Variants in CACNA1C observed in about 807,000 individuals in gnomAD.
CACNA1C encodes calcium voltage-gated channel subunit alpha1 C, also known as voltage-dependent L-type calcium channel subunit alpha-1C.
A neutral mutation model predicts 229.0 loss-of-function variants in CACNA1C; 30 were observed. The observed-to-expected ratio is 0.13, with a 90% CI of 0.10 to 0.18. The LOEUF is 0.18. CACNA1C is among the 10% of genes least tolerant of loss of function. The pLI, the probability that CACNA1C is intolerant of heterozygous loss-of-function variation, is 1.00. For synonymous variants in CACNA1C, 1,114 were observed against 1,132.5 expected (o/e 0.98, Z 0.33); for missense variants, 1,658 against 2,845.0 (o/e 0.58, Z 9.49).
intron 3 of CACNA1C, among the ~76,000 whole-genome samples, chr12:2,187,806 C>A (rs2097091538): frequency 6.6e-6 from 1 of 152,234 alleles, no homozygotes; most frequent in Non-Finnish European, 1.5e-5. Context: ...CCTCCTGGTG[C>A]CACATCCCTC....
rs561061347 is a variant in CACNA1C, at chr12:2,487,135, G to C, written c.916+873G>C. Among the ~76,000 whole-genome samples the C allele has an allele frequency of 1.3e-5, 2 of 152,034 alleles. 1 individual carries two copies. The highest frequency in any genetic ancestry group is 4.2e-4 in the South Asian group (2 of 4,814). On this transcript the variant is annotated intron_variant, in intron 6 of 46. Transcript: ENST00000399655. ...GACATATACAGTGGCTTAACACAAA[G>C]AACTTGTTGAAAAAATAACACCCAC...
intron 3 of CACNA1C, among the ~76,000 whole-genome samples, chr12:2,322,981 C>G (rs2096086539): frequency 6.6e-6 from 1 of 152,178 alleles, no homozygotes; most frequent in African/African-American, 2.4e-5. Context: ...TCACCACTCC[C>G]CATAGCTGTG....
At position 2,346,939 on chromosome 12, in the gene CACNA1C, C is replaced by T. The variant is rs148151605; in HGVS notation, c.478-102037C>T. Among the ~76,000 whole-genome samples, 138 of 152,314 alleles carry T rather than the reference C, an allele frequency of 9.1e-4. 1 individual carries two copies. The highest frequency in any genetic ancestry group is 3.1e-3 in the African/African-American group (129 of 41,572). On this transcript the variant is annotated intron_variant, in intron 3 of 46. Transcript: ENST00000399655. The surrounding 1 kb of genome is among the most constrained non-coding windows in gnomAD (Gnocchi z 4.4). ...CTGGTGTCTCCCTCTTCTCAGAATG[C>T]TAGTCCTTTGTATAACCCTTTCCAC...
At chr12:2,066,602 A>G (rs2059355389) in intron 1 of CACNA1C, among the ~76,000 whole-genome samples, 1 of 152,120 alleles carries the variant, frequency 6.6e-6, no homozygotes. Context: ...GGTGGTTGTG[A>G]AGCAGGGGCA....
At chr12:2,253,750 T>A (rs1274261321) in intron 3 of CACNA1C, among the ~76,000 whole-genome samples, 1 of 152,238 alleles carries the variant, frequency 6.6e-6, no homozygotes, top group Non-Finnish European at 1.5e-5. Context: ...CCTACATTGT[T>A]TAAGTAGCGC....
chr12:2,123,767 A>G (rs776394224), intron 3 of CACNA1C, among the ~76,000 whole-genome samples: 9 of 152,166 alleles, frequency 5.9e-5, no homozygotes, highest in Admixed American at 2.0e-4. Flanking sequence ...GTAATTTGCA[A>G]TGTATCACAT....
chr12:2,136,208 T>G (rs2093463910), intron 3 of CACNA1C, among the ~76,000 whole-genome samples: 1 of 151,334 alleles, frequency 6.6e-6, no homozygotes, highest in Admixed American at 6.6e-5. Context: ...CACTCCCTAG[T>G]GAGATGAACC....
intron 1 of CACNA1C, among the ~76,000 whole-genome samples, chr12:2,103,028 G>A (rs902723529): frequency 2.6e-5 from 4 of 152,112 alleles, no homozygotes; most frequent in African/African-American, 4.8e-5. Flanking sequence ...TATTGTGAAC[G>A]GTGCCGCAGT....
At chr12:2,350,508 A>C (rs908352015) in intron 3 of CACNA1C, among the ~76,000 whole-genome samples, 8 of 152,208 alleles carry the variant, frequency 5.3e-5, no homozygotes, top group Non-Finnish European at 1.0e-4. Flanking sequence ...CCTTTTAAGT[A>C]GCAGAAAGAG....
In CACNA1C at chr12:2,549,942, G is replaced by A; in HGVS notation, c.1391-1G>A. On this transcript the variant is annotated splice_acceptor_variant, in intron 9 of 46. Transcript: ENST00000399655. LOFTEE classifies it high-confidence loss of function. Reference sequence around the variant, plus strand: ...GCTCTGCTTCCCTTTGACTCTTGCAGTGAGCATGCCCACCAGTGAGACCGA... The same window carrying A: ...GCTCTGCTTCCCTTTGACTCTTGCAATGAGCATGCCCACCAGTGAGACCGA... 6.3e-7 allele frequency: 1 copy of A among 1,597,830 alleles called. No individual in the cohort carries two copies.
Position 2,346,162 on chromosome 12 carries a change from G to A in CACNA1C, c.478-102814G>A, listed in dbSNP as rs1303917236. On this transcript the variant is annotated intron_variant, in intron 3 of 46. Transcript: ENST00000399655. This position sits in a 1 kb window ranked among gnomAD's most constrained non-coding sequence, Gnocchi z 4.4. ...GCTGCAAGGTGATAGCCGTGGCTTG[G>A]TTGTCTGTGGGTGGAGCCGAGGAAG... Among the ~76,000 whole-genome samples the A allele has an allele frequency of 2.6e-5, 4 of 152,128 alleles. No individual in the cohort carries two copies. Among genetic ancestry groups the A allele is most frequent in the Admixed American group, 6.5e-5 (1 of 15,276 alleles).
intron 9 of CACNA1C, among the ~76,000 whole-genome samples, chr12:2,519,682 G>T (rs2154580447): frequency 6.6e-6 from 1 of 152,348 alleles, no homozygotes; most frequent in East Asian, 1.9e-4. Context: ...TAGTGGGGCT[G>T]TGTACTGGGG....
Position 2,633,668 on chromosome 12 carries a change from A to G in CACNA1C, c.3829-629A>G. ...TCCCTGGAATGTTTTTGACTTCCTC[A>G]TCGTAATTGGCAGCATAATTGACGT... On this transcript the variant is annotated intron_variant, in intron 29 of 46. Transcript: ENST00000399655. This position sits in a 1 kb window ranked among gnomAD's most constrained non-coding sequence, Gnocchi z 5.8. 4 of 1,611,572 alleles carry G rather than the reference A, an allele frequency of 2.5e-6. No individual in the cohort carries two copies.
chr12:2,362,655 A>G (rs2097587924), intron 3 of CACNA1C, among the ~76,000 whole-genome samples: 1 of 152,166 alleles, frequency 6.6e-6, no homozygotes, highest in Non-Finnish European at 1.5e-5. Context: ...CACAGTAGGC[A>G]CTCAGTGTTT....
In CACNA1C at chr12:2,314,803, A is replaced by G. The variant is rs181247749; in HGVS notation, c.478-134173A>G. Among the ~76,000 whole-genome samples the G allele has an allele frequency of 2.7e-4, 41 of 152,194 alleles. No homozygotes were observed. In the East Asian group the frequency reaches 5.4e-3, roughly 20 times the overall value. On this transcript the variant is annotated intron_variant, in intron 3 of 46. Coordinates refer to ENST00000399655, the MANE Select transcript of CACNA1C (RefSeq NM_000719.7). Reference sequence around the variant, plus strand: ...TTTCTGTCTTTTTTTAATGGAGAACATATGCATGTACTTTAATTACCTGTA... The same window carrying G: ...TTTCTGTCTTTTTTTAATGGAGAACGTATGCATGTACTTTAATTACCTGTA...
chr12:2,280,767 A>G lies in CACNA1C; in HGVS notation c.477+160337A>G, dbSNP rs374901369. ...CTGTGCTTCGGTTTAACCTCTTGAT[A>G]CCTTGCTGTGCTTCGGTTTAACCTC... On this transcript the variant is annotated intron_variant, in intron 3 of 46. Coordinates refer to ENST00000399655, the MANE Select transcript of CACNA1C (RefSeq NM_000719.7). Among the ~76,000 whole-genome samples, 136 of 138,658 alleles carry G rather than the reference A, an allele frequency of 9.8e-4. 3 individuals are homozygous for G. The highest frequency in any genetic ancestry group is 3.8e-3 in the Middle Eastern group (1 of 260). The allele number at this position is 138,658 out of a possible 152,430, so 91.0% of individuals were successfully genotyped here. A position where few individuals can be genotyped will look rare whatever the true frequency, so the allele number is the denominator to read the frequency against.
In CACNA1C at chr12:2,654,523, G is replaced by A. The variant is rs769047936; in HGVS notation, c.4140+623G>A. ...GTCCCAAGGCCAAACTTGGCAGGGC[G>A]CCCACACTAGCCCAAAGCGCTTCCT... On this transcript the variant is annotated intron_variant, in intron 33 of 46. Transcript: ENST00000399655. This position sits in a 1 kb window ranked among gnomAD's most constrained non-coding sequence, Gnocchi z 4.4. Among the ~76,000 whole-genome samples the A allele has an allele frequency of 5.3e-5, 8 of 152,156 alleles. No individual in the cohort carries two copies. Among genetic ancestry groups the A allele is most frequent in the Non-Finnish European group, 4.4e-5 (3 of 68,022 alleles).
At chr12:2,470,861 C>T (rs1454389373) in intron 5 of CACNA1C, among the ~76,000 whole-genome samples, 4 of 151,472 alleles carry the variant, frequency 2.6e-5, no homozygotes, top group East Asian at 1.9e-4. Context: ...TTTTTGAGAC[C>T]GAGTCTCGAT....
intron 3 of CACNA1C, among the ~76,000 whole-genome samples, chr12:2,142,791 G>T (rs2094374039): frequency 6.6e-6 from 1 of 150,940 alleles, no homozygotes; most frequent in Admixed American, 6.7e-5. Context: ...GTTACAAATA[G>T]AAAAAAGCTT....
Sources: allele counts gnomAD v4.1 joint callset (sites outside exome capture counted in the v4.1 genomes callset), GRCh38; gene constraint gnomAD v4.1.1; non-coding constraint Gnocchi (gnomAD v3.1); transcripts MANE v1.5; gene names NCBI Gene and HGNC (gene_info 2026-07-23, HGNC 2026-07-21).